CNTN5: variants seen among roughly 807,000 people sequenced by gnomAD.
The protein encoded by CNTN5 is contactin 5.
In CNTN5, 77 loss-of-function variants were observed where a neutral mutation model predicts 129.1. The ratio of observed to expected loss-of-function variants is 0.60; its 90% CI spans 0.50 to 0.72. The LOEUF (loss-of-function observed/expected upper bound fraction) is 0.72. CNTN5 is among the 30% of genes least tolerant of loss of function. CNTN5 has a pLI of 0.00. For missense variants in CNTN5, 1,478 were observed against 1,328.8 expected (o/e 1.11, Z -1.75); for synonymous variants, 509 against 465.6 (o/e 1.09, Z -1.20).
At chr11:100,137,025 GTAATA>G (rs1437628904) in intron 13 of CNTN5, among the ~76,000 whole-genome samples, 2 of 151,706 alleles carry the variant, frequency 1.3e-5, no homozygotes, top group Non-Finnish European at 2.9e-5. Context: ...TTACATATAT[GTAATA>G]TAATAGATAT....
At chr11:99,892,219 G>T (rs1949079951) in intron 6 of CNTN5, among the ~76,000 whole-genome samples, 1 of 152,082 alleles carries the variant, frequency 6.6e-6, no homozygotes, top group Admixed American at 6.6e-5. Flanking sequence ...GTAAATTCTG[G>T]ATATTAGCCC....
At chr11:99,395,861 G>A (rs1169699563) in intron 2 of CNTN5, among the ~76,000 whole-genome samples, 1 of 151,836 alleles carries the variant, frequency 6.6e-6, no homozygotes, top group African/African-American at 2.4e-5. Context: ...TTAGATGTTT[G>A]GCCTTATTTC....
At chr11:99,733,194 G>A (rs1034612236) in intron 3 of CNTN5, among the ~76,000 whole-genome samples, 1 of 151,854 alleles carries the variant, frequency 6.6e-6, no homozygotes. Context: ...ATGGTGAGGG[G>A]TGCCTGTAAT....
chr11:100,126,586 A>T (rs755771213), intron 13 of CNTN5, among the ~76,000 whole-genome samples: 4 of 152,020 alleles, frequency 2.6e-5, no homozygotes, highest in Non-Finnish European at 4.4e-5. Context: ...GTTTTATCTG[A>T]TATAAGAATA....
chr11:100,052,822 A>G (rs1002833890), intron 9 of CNTN5, among the ~76,000 whole-genome samples: 2 of 151,820 alleles, frequency 1.3e-5, no homozygotes, highest in African/African-American at 4.8e-5. Context: ...ATTTATTCTA[A>G]AAGTAATGAT....
intron 3 of CNTN5, among the ~76,000 whole-genome samples, chr11:99,586,065 T>C (rs1440959921): frequency 2.0e-5 from 3 of 152,194 alleles, no homozygotes; most frequent in Non-Finnish European, 2.9e-5. Flanking sequence ...TCTCATATCA[T>C]GTATTTCATT....
At chr11:99,692,018 C>T in intron 3 of CNTN5, among the ~76,000 whole-genome samples, 1 of 152,138 alleles carries the variant, frequency 6.6e-6, no homozygotes. Context: ...CTTTTCTGAT[C>T]TTTCTTGGTT....
At chr11:99,239,214 A>T (rs73532965) in intron 1 of CNTN5, among the ~76,000 whole-genome samples, 2,600 of 152,306 alleles carry the variant, frequency 0.017, 88 homozygotes, top group African/African-American at 0.06. Flanking sequence ...GGAGCTGAAA[A>T]AGTATAAAGA....
At chr11:99,977,025 A>C (rs1324405709) in intron 8 of CNTN5, among the ~76,000 whole-genome samples, 1 of 152,246 alleles carries the variant, frequency 6.6e-6, no homozygotes, top group African/African-American at 2.4e-5. Flanking sequence ...AAAAACAGCC[A>C]GGTCACATCT....
chr11:100,272,613 T>G (rs1591460367), intron 18 of CNTN5, among the ~76,000 whole-genome samples: 1 of 151,994 alleles, frequency 6.6e-6, no homozygotes, highest in East Asian at 1.9e-4. Flanking sequence ...CCCAGAGGAC[T>G]AGAGTGCTCC....
chr11:99,681,442 C>T (rs1167999537), intron 3 of CNTN5, among the ~76,000 whole-genome samples: 1 of 152,074 alleles, frequency 6.6e-6, no homozygotes, highest in African/African-American at 2.4e-5. Flanking sequence ...TGAACCTGAT[C>T]AGTCAGTAGC....
At chr11:99,531,003 C>A (rs756451583) in intron 2 of CNTN5, among the ~76,000 whole-genome samples, 67 of 152,280 alleles carry the variant, frequency 4.4e-4, no homozygotes, top group Non-Finnish European at 8.7e-4. Flanking sequence ...GGGGAAGCAA[C>A]TTTGAAACTG....
At chr11:100,262,083 A>T (rs1260152701) in intron 17 of CNTN5, among the ~76,000 whole-genome samples, 1 of 152,204 alleles carries the variant, frequency 6.6e-6, no homozygotes, top group African/African-American at 2.4e-5. Context: ...ATCTACAAAG[A>T]ACTTAAACAA....
chr11:99,437,331 C>G (rs1943638974), intron 2 of CNTN5, among the ~76,000 whole-genome samples: 1 of 151,978 alleles, frequency 6.6e-6, no homozygotes, highest in African/African-American at 2.4e-5. Flanking sequence ...CTAAGATGCT[C>G]CTTTCTTTAC....
intron 3 of CNTN5, among the ~76,000 whole-genome samples, chr11:99,598,832 G>T (rs181127733): frequency 2.0e-5 from 3 of 152,016 alleles, no homozygotes; most frequent in South Asian, 4.1e-4. Flanking sequence ...ATTTTAATAT[G>T]CAGGAAAAAC....
At chr11:99,338,030 T>TA (rs1250473906) in intron 2 of CNTN5, among the ~76,000 whole-genome samples, 7 of 152,182 alleles carry the variant, frequency 4.6e-5, no homozygotes, top group Non-Finnish European at 8.8e-5. Flanking sequence ...AACTTATTTG[T>TA]AAAAATTAAA....
intron 8 of CNTN5, among the ~76,000 whole-genome samples, chr11:99,963,540 A>T (rs1951009635): frequency 6.6e-6 from 1 of 152,168 alleles, no homozygotes; most frequent in African/African-American, 2.4e-5. Context: ...TACTAGTACC[A>T]TGCTGTTTTG....
intron 2 of CNTN5, among the ~76,000 whole-genome samples, chr11:99,380,768 C>CAAAAAAAAAAAAAAAAAAAA (rs769229566): frequency 3.9e-5 from 4 of 102,454 alleles, no homozygotes; most frequent in African/African-American, 8.3e-5. Flanking sequence ...AACTCTATCT[C>CAAAAAAAAAAAAAAAAAAAA]AAAAAAAAAA....
At chr11:100,225,612 A>G (rs1949355873) in intron 16 of CNTN5, among the ~76,000 whole-genome samples, 1 of 152,054 alleles carries the variant, frequency 6.6e-6, no homozygotes, top group Non-Finnish European at 1.5e-5. Context: ...CTTAATGAAC[A>G]ATGACAAAAT....
Sources: allele counts gnomAD v4.1 joint callset (sites outside exome capture counted in the v4.1 genomes callset), GRCh38; gene constraint gnomAD v4.1.1; transcripts MANE v1.5; gene names NCBI Gene and HGNC (gene_info 2026-07-23, HGNC 2026-07-21).